GABRB2: variants seen among roughly 807,000 people sequenced by gnomAD.
The protein encoded by GABRB2 is gamma-aminobutyric acid type A receptor subunit beta2, also known as gamma-aminobutyric acid receptor subunit beta-2.
Under a neutral mutation model 54.7 loss-of-function variants are expected in GABRB2, and 16 were observed. That is an observed-to-expected ratio of 0.29 (90% CI 0.20 to 0.44). GABRB2 has a LOEUF of 0.44. GABRB2 is among the 20% of genes least tolerant of loss of function. GABRB2 has a pLI of 1.00. For missense variants in GABRB2, 355 were observed against 644.0 expected, an observed-to-expected ratio of 0.55 and a Z score of 4.86; for synonymous variants, 244 against 233.8, an observed-to-expected ratio of 1.04 and a Z score of -0.40.
chr5:161,531,914 C>G (rs1490106475), intron 3 of GABRB2, among the ~76,000 whole-genome samples: 2 of 152,008 alleles, frequency 1.3e-5, no homozygotes, highest in African/African-American at 4.8e-5. Context: ...CGCTGCTTAC[C>G]AGCATGTGAC....
intron 5 of GABRB2, among the ~76,000 whole-genome samples, chr5:161,376,217 AG>A (rs764206892): frequency 1.5e-4 from 23 of 152,200 alleles, no homozygotes; most frequent in Admixed American, 7.2e-4. Flanking sequence ...GAAAAATAAA[AG>A]GGGAAGTGGG....
chr5:161,332,717 C>T (rs867569203), intron 7 of GABRB2, among the ~76,000 whole-genome samples: 5 of 152,120 alleles, frequency 3.3e-5, no homozygotes, highest in South Asian at 2.1e-4. Flanking sequence ...TATCCAATAA[C>T]GCATCCTGAA....
chr5:161,499,424 C>T (rs1032333296), intron 3 of GABRB2, among the ~76,000 whole-genome samples: 1 of 152,080 alleles, frequency 6.6e-6, no homozygotes, highest in Non-Finnish European at 1.5e-5. Flanking sequence ...TAGCTAACTT[C>T]CATAGGCCCT....
intron 4 of GABRB2, among the ~76,000 whole-genome samples, chr5:161,427,644 A>G (rs1757041795): frequency 6.6e-6 from 1 of 152,212 alleles, no homozygotes; most frequent in Admixed American, 6.5e-5. Flanking sequence ...TTAAAACAAC[A>G]GACAAAAACT....
intron 8 of GABRB2, among the ~76,000 whole-genome samples, chr5:161,328,809 C>T (rs1006234215): frequency 6.6e-6 from 1 of 151,956 alleles, no homozygotes; most frequent in Admixed American, 6.6e-5. Flanking sequence ...CAGTAGTAAA[C>T]CTCATCCTAT....
chr5:161,401,636 A>G (rs1347821251), intron 5 of GABRB2, among the ~76,000 whole-genome samples: 3 of 152,244 alleles, frequency 2.0e-5, no homozygotes, highest in Non-Finnish European at 2.9e-5. Flanking sequence ...ATTTTACATT[A>G]GAAAAATGCT....
At chr5:161,487,257 G>GAT (rs756907368) in intron 3 of GABRB2, among the ~76,000 whole-genome samples, 33 of 151,724 alleles carry the variant, frequency 2.2e-4, no homozygotes, top group Non-Finnish European at 4.4e-4. Flanking sequence ...CACTTTCATT[G>GAT]ATATATATAA....
intron 3 of GABRB2, among the ~76,000 whole-genome samples, chr5:161,526,922 C>A (rs1255790073): frequency 2.0e-5 from 3 of 151,336 alleles, no homozygotes; most frequent in African/African-American, 7.3e-5. Flanking sequence ...AAGAACCAAT[C>A]CCGTTGAGAA....
chr5:161,469,548 A>G (rs1236324005), intron 3 of GABRB2, among the ~76,000 whole-genome samples: 1 of 151,978 alleles, frequency 6.6e-6, no homozygotes, highest in Non-Finnish European at 1.5e-5. Flanking sequence ...AGAAAACAAC[A>G]ACAACAAAAA....
chr5:161,323,289 C>T (rs557413122), intron 9 of GABRB2, among the ~76,000 whole-genome samples: 1 of 152,306 alleles, frequency 6.6e-6, no homozygotes, highest in South Asian at 2.1e-4. Context: ...TCCCAAAGTG[C>T]TGGGATTACA....
chr5:161,449,667 A>T (rs533802293), intron 4 of GABRB2, among the ~76,000 whole-genome samples: 1 of 152,178 alleles, frequency 6.6e-6, no homozygotes, highest in Non-Finnish European at 1.5e-5. Context: ...ATGTAAGACA[A>T]ATGAAAAAAC....
At chr5:161,470,058 TCTTTC>T (rs1447833617) in intron 3 of GABRB2, among the ~76,000 whole-genome samples, 1 of 147,358 alleles carries the variant, frequency 6.8e-6, no homozygotes, top group Non-Finnish European at 1.5e-5. Context: ...ATACATCTTT[TCTTTC>T]CTTTCATGTT....
intron 5 of GABRB2, among the ~76,000 whole-genome samples, chr5:161,348,878 G>A (rs1754390086): frequency 6.6e-6 from 1 of 152,028 alleles, no homozygotes; most frequent in Non-Finnish European, 1.5e-5. Context: ...AGTGGAGCTT[G>A]TATATTTTAA....
chr5:161,378,431 C>A (rs1755370860), intron 5 of GABRB2, among the ~76,000 whole-genome samples: 1 of 151,994 alleles, frequency 6.6e-6, no homozygotes, highest in Non-Finnish European at 1.5e-5. Flanking sequence ...AAATGTATTC[C>A]CAGTACACTT....
At chr5:161,413,934 G>T (rs999607064) in intron 4 of GABRB2, among the ~76,000 whole-genome samples, 1 of 152,174 alleles carries the variant, frequency 6.6e-6, no homozygotes, top group African/African-American at 2.4e-5. Context: ...TCCGTGAACT[G>T]GTGCTGGAAA....
intron 5 of GABRB2, among the ~76,000 whole-genome samples, chr5:161,392,171 T>C (rs1369916973): frequency 6.6e-6 from 1 of 152,152 alleles, no homozygotes; most frequent in Non-Finnish European, 1.5e-5. Flanking sequence ...CCAGGCCTCA[T>C]GCCCATGGAG....
intron 9 of GABRB2, among the ~76,000 whole-genome samples, chr5:161,303,818 CCATGTTACTGTCTCTGGCCCT>C (rs574996298): frequency 2.3e-3 from 355 of 152,214 alleles, no homozygotes; most frequent in Non-Finnish European, 3.6e-3. Flanking sequence ...GGTTCTAATC[CCATGTTACTGTCTCTGGCCCT>C]CAGTGTTCTT....
At chr5:161,400,773 C>T (rs1756160298) in intron 5 of GABRB2, among the ~76,000 whole-genome samples, 1 of 152,148 alleles carries the variant, frequency 6.6e-6, no homozygotes, top group South Asian at 2.1e-4. Flanking sequence ...CAACATATTC[C>T]TAAGCTTGAC....
At chr5:161,313,361 G>A (rs543096815) in intron 9 of GABRB2, among the ~76,000 whole-genome samples, 24 of 151,564 alleles carry the variant, frequency 1.6e-4, no homozygotes, top group African/African-American at 5.3e-4. Context: ...AGCTCTTTGC[G>A]CCCCTCCCCA....
Sources: allele counts gnomAD v4.1 joint callset (sites outside exome capture counted in the v4.1 genomes callset), GRCh38; gene constraint gnomAD v4.1.1; transcripts MANE v1.5; gene names NCBI Gene and HGNC (gene_info 2026-07-23, HGNC 2026-07-21).